The following BEND3 variants were observed in gnomAD, a reference collection of about 807,000 sequenced individuals.
The protein encoded by BEND3 is BEN domain containing 3.
BEND3 carries 13 observed loss-of-function variants against 60.1 expected under a neutral mutation model. That is an observed-to-expected ratio of 0.22 (90% CI 0.14 to 0.34). The LOEUF (loss-of-function observed/expected upper bound fraction) is 0.34, where lower values mean the gene tolerates loss of function less well. BEND3 is among the 10% of genes least tolerant of loss of function. The pLI is 1.00. For missense variants in BEND3, 896 were observed against 1,138.1 expected (o/e 0.79, Z 3.06); for synonymous variants, 497 against 491.5 (o/e 1.01, Z -0.15).
intron 3 of BEND3, among the ~76,000 whole-genome samples, chr6:107,097,601 G>A (rs1375077412): frequency 1.3e-4 from 19 of 151,594 alleles, no homozygotes; most frequent in Non-Finnish European, 1.8e-4. Context: ...GACCAGCTTG[G>A]CCAACATGGA....
At chr6:107,080,315 A>C (rs1775198686) in intron 3 of BEND3, among the ~76,000 whole-genome samples, 1 of 141,224 alleles carries the variant, frequency 7.1e-6, no homozygotes, top group Non-Finnish European at 1.5e-5. Context: ...GGACTGTGCC[A>C]CTGCACTCCA....
intron 3 of BEND3, among the ~76,000 whole-genome samples, chr6:107,085,713 G>C (rs370669278): frequency 1.3e-5 from 2 of 151,188 alleles, no homozygotes; most frequent in African/African-American, 4.9e-5. Context: ...GGATGGTCTC[G>C]ATTTCCCGAC....
chr6:107,101,528 A>C (rs782525668), intron 1 of BEND3, among the ~76,000 whole-genome samples: 3 of 152,190 alleles, frequency 2.0e-5, no homozygotes, highest in Non-Finnish European at 4.4e-5. Flanking sequence ...GAAAACCAAA[A>C]TGAGATTTGA....
chr6:107,066,393 A>T lies in BEND3; in HGVS notation c.*2311T>A, dbSNP rs1774829896. 6.6e-6 allele frequency: 1 copy of T among 152,584 alleles called. No homozygotes were observed. The highest frequency in any genetic ancestry group is 1.5e-5 in the Non-Finnish European group (1 of 68,034). The allele number at this position is 152,584 out of a possible 1,614,324, so 9.5% of individuals were successfully genotyped here. A position where few individuals can be genotyped will look rare whatever the true frequency, so the allele number is the denominator to read the frequency against. On this transcript the variant is annotated 3_prime_UTR_variant, in exon 4 of 4. Coordinates refer to ENST00000369042, the MANE Select transcript of BEND3 (RefSeq NM_001367314.1). ...CACGTGTGTCCACTTCTCTTCACAGAAAGGGACTGTAAGATTCTGGGGGAA... is the reference window on the plus strand; with the variant it reads ...CACGTGTGTCCACTTCTCTTCACAGTAAGGGACTGTAAGATTCTGGGGGAA...
chr6:107,099,002 G>T (rs1775649001), intron 2 of BEND3, among the ~76,000 whole-genome samples: 1 of 152,080 alleles, frequency 6.6e-6, no homozygotes, highest in South Asian at 2.1e-4. Context: ...TTTTGGGGGG[G>T]AAGACAGTGG....
intron 3 of BEND3, among the ~76,000 whole-genome samples, chr6:107,072,219 G>A (rs1774998436): frequency 6.6e-6 from 1 of 152,146 alleles, no homozygotes; most frequent in South Asian, 2.1e-4. Flanking sequence ...GGCATCCTGG[G>A]GTGCTTCTCT....
chr6:107,075,773 AC>A (rs1371661503), intron 3 of BEND3, among the ~76,000 whole-genome samples: 27 of 152,158 alleles, frequency 1.8e-4, no homozygotes, highest in Admixed American at 1.5e-3. Context: ...CTAGAGGGAG[AC>A]TTGCCCAGGG....
At chr6:107,087,505 G>A (rs978640136) in intron 3 of BEND3, among the ~76,000 whole-genome samples, 4 of 152,132 alleles carry the variant, frequency 2.6e-5, no homozygotes, top group Non-Finnish European at 4.4e-5. Context: ...TTAGGAGGCC[G>A]AGGCCGGCGG....
At chr6:107,111,512 G>A (rs1770087642) in intron 1 of BEND3, among the ~76,000 whole-genome samples, 2 of 149,794 alleles carry the variant, frequency 1.3e-5, no homozygotes, top group Non-Finnish European at 1.5e-5. Flanking sequence ...CTGCATCTCA[G>A]AAAAAAAAAA....
At position 107,115,236 on chromosome 6, in the gene BEND3, G is replaced by T; in HGVS notation, c.-158C>A. The T allele has an allele frequency of 6.7e-6, 1 of 149,858 alleles. No individual in the cohort carries two copies. The highest frequency in any genetic ancestry group is 1.9e-4 in the South Asian group (1 of 5,382). 9.3% of individuals were successfully genotyped at this position (149,858 alleles called of 1,614,324 possible). A position where few individuals can be genotyped will look rare whatever the true frequency, so the allele number is the denominator to read the frequency against. ...GGGGAGGCGCTGGGGGCGGCGGGCGGGCGAGCGCCGTGTATTTTCCCCTCT... is the reference window on the plus strand; with the variant it reads ...GGGGAGGCGCTGGGGGCGGCGGGCGTGCGAGCGCCGTGTATTTTCCCCTCT... On this transcript the variant is annotated 5_prime_UTR_variant, in exon 1 of 4. Transcript: ENST00000369042.
At chr6:107,109,515 G>A (rs1775896121) in intron 1 of BEND3, among the ~76,000 whole-genome samples, 1 of 148,802 alleles carries the variant, frequency 6.7e-6, no homozygotes, top group Non-Finnish European at 1.5e-5. Context: ...AGACAGGTTG[G>A]AACACTTGAC....
At chr6:107,087,737 G>T (rs1775383041) in intron 3 of BEND3, among the ~76,000 whole-genome samples, 1 of 63,306 alleles carries the variant, frequency 1.6e-5, no homozygotes. Flanking sequence ...ACTCCATCTC[G>T]AAACAAACAA....
In BEND3 at chr6:107,099,248, CCTT is replaced by C. The variant is rs1775655290; in HGVS notation, c.35_37del (p.Glu12del). 1.2e-6 allele frequency: 2 copies of C among 1,600,394 alleles called. No individual in the cohort carries two copies. The highest frequency in any genetic ancestry group is 1.7e-6 in the Non-Finnish European group (2 of 1,170,654). On this transcript the variant is annotated inframe_deletion and splice_region_variant, in exon 2 of 4. Transcript: ENST00000369042. ...TTTCAAAAAGGGCATTTTTTTTTTA[CCTT>C]CTTCTACATCTTCGGTGAATTCAGT...
chr6:107,070,645 G>C lies in BEND3; in HGVS notation c.546C>G (p.Thr182=). Residue 182 remains threonine (T), a synonymous_variant, in exon 4 of 4, where the codon ACC becomes ACG. Transcript: ENST00000369042. This position sits in a 1 kb window ranked among gnomAD's most constrained non-coding sequence, Gnocchi z 6.9. ...TGGGGTCGTTGTCAGTGCCTGCCCCGGTGCTGCCACAGTCCCGCTTCTGTG... is the reference window on the plus strand; with the variant it reads ...TGGGGTCGTTGTCAGTGCCTGCCCCCGTGCTGCCACAGTCCCGCTTCTGTG... ...NEPQKRDCGS[T]GAGTDNDPNI... is the part of the protein sequence containing the mutation. 6.2e-7 allele frequency: 1 copy of C among 1,612,370 alleles called. No individual in the cohort carries two copies. Among genetic ancestry groups the C allele is most frequent in the Non-Finnish European group, 8.5e-7 (1 of 1,179,874 alleles).
chr6:107,106,509 G>A (rs1372443584), intron 1 of BEND3, among the ~76,000 whole-genome samples: 1 of 152,198 alleles, frequency 6.6e-6, no homozygotes, highest in African/African-American at 2.4e-5. Flanking sequence ...CTGTGACCAA[G>A]GCAGGAATTA....
rs1394631846 is a variant in BEND3, at chr6:107,098,751, G to C, written c.40C>G (p.Leu14Val). 1.9e-6 allele frequency: 3 copies of C among 1,613,320 alleles called. No individual in the cohort carries two copies. The highest frequency in any genetic ancestry group is 2.7e-5 in the African/African-American group (2 of 74,934). The change falls in exon 3 of 4, where the codon CTA becomes GTA. Residue 14 changes from leucine to valine, a missense_variant and splice_region_variant. Around this residue, in one of 4 missense-constraint regions of BEND3, gnomAD observed 846 missense variants for 1,036.7 expected, o/e 0.82. Coordinates refer to ENST00000369042, the MANE Select transcript of BEND3 (RefSeq NM_001367314.1). ...TCCACTTTCACAGTGATACTTTTTA[G>C]AACTGTGTCAGAGAAGAAATAGGGC... ...TEFTEDVEEV[L>V]KSITVKVETE...
chr6:107,087,132 G>C (rs551526975), intron 3 of BEND3, among the ~76,000 whole-genome samples: 5 of 151,290 alleles, frequency 3.3e-5, no homozygotes, highest in Admixed American at 6.6e-5. Flanking sequence ...AGGAATTCGA[G>C]ACCAGCCTGG....
chr6:107,102,726 C>T (rs1308535814), intron 1 of BEND3, among the ~76,000 whole-genome samples: 3 of 152,306 alleles, frequency 2.0e-5, no homozygotes, highest in South Asian at 2.1e-4. Flanking sequence ...CTGGAAACCT[C>T]GCGCCTGCCC....
intron 1 of BEND3, among the ~76,000 whole-genome samples, chr6:107,111,313 C>A (rs1770082255): frequency 1.3e-5 from 2 of 152,116 alleles, no homozygotes; most frequent in Non-Finnish European, 2.9e-5. Context: ...GAGTTTGAGA[C>A]CAGCCTGGCC....
Sources: allele counts gnomAD v4.1 joint callset (sites outside exome capture counted in the v4.1 genomes callset), GRCh38; gene constraint gnomAD v4.1.1; regional missense constraint gnomAD v4.1.1; non-coding constraint Gnocchi (gnomAD v3.1); transcripts MANE v1.5; gene names NCBI Gene and HGNC (gene_info 2026-07-23, HGNC 2026-07-21).